The following GALNT1 variants were observed in gnomAD, a reference collection of about 807,000 sequenced individuals.
GALNT1 encodes the protein polypeptide N-acetylgalactosaminyltransferase 1.
In GALNT1, 17 loss-of-function variants were observed where a neutral mutation model predicts 65.7. The observed-to-expected ratio is 0.26, with a 90% CI of 0.18 to 0.39. GALNT1 has a LOEUF of 0.39. Ranked by LOEUF, GALNT1 falls within the 10% of genes least tolerant of loss-of-function variation. The pLI, the probability that GALNT1 is intolerant of heterozygous loss-of-function variation, is 1.00. For synonymous variants in GALNT1, 210 were observed against 219.7 expected (o/e 0.96, Z 0.39); for missense variants, 460 against 672.8 (o/e 0.68, Z 3.50).
chr18:35,650,617 G>GA (rs982131069), intron 1 of GALNT1, among the ~76,000 whole-genome samples: 7 of 152,152 alleles, frequency 4.6e-5, no homozygotes, highest in African/African-American at 1.4e-4. Context: ...GACCCCTTGG[G>GA]AAACCATTCT....
chr18:35,706,395 A>G (rs2048260939), intron 11 of GALNT1, among the ~76,000 whole-genome samples: 2 of 152,052 alleles, frequency 1.3e-5, no homozygotes, highest in Admixed American at 1.3e-4. Context: ...CCAGATACTC[A>G]GGAGGCTGAG....
rs747497904 is a variant in GALNT1 at position 35,683,465 on chromosome 18, C to T, written c.556C>T (p.Arg186Cys). Reference protein sequence around the residue: ...VPVHVIRMEQRSGLIRARLKG... With the variant: ...VPVHVIRMEQCSGLIRARLKG... ...AGTTCATGTAATTCGAATGGAACAA[C>T]GTTCTGGATTGATCAGAGCTAGATT... The change falls in exon 5 of 12, where the codon CGT (arginine) becomes TGT (cysteine). Residue 186 changes from arginine to cysteine, a missense_variant. Arg to Cys is a radical substitution (Grantham distance 180). Transcript: ENST00000269195. The T allele has an allele frequency of 1.2e-6, 2 of 1,613,742 alleles. No homozygotes were observed. The highest frequency in any genetic ancestry group is 1.7e-6 in the Non-Finnish European group (2 of 1,179,820).
rs762842899 is a variant in GALNT1 at position 35,663,140 on chromosome 18, C to T, written c.140-488C>T. Among the ~76,000 whole-genome samples the T allele has an allele frequency of 3.9e-5, 6 of 152,016 alleles. No individual in the cohort carries two copies. The East Asian group carries it at 7.7e-4, about 20-fold the overall frequency. On this transcript the variant is annotated intron_variant, in intron 2 of 11. Transcript: ENST00000269195. ...GATTTGGTGTTGCAGCGATGGAAGC[C>T]GTGAGGGGATGTGAGCAAAGGCATG...
At chr18:35,668,582 G>T (rs1226966117) in intron 3 of GALNT1, among the ~76,000 whole-genome samples, 1 of 152,140 alleles carries the variant, frequency 6.6e-6, no homozygotes, top group Non-Finnish European at 1.5e-5. Context: ...ACTCGTAGAG[G>T]CAGGGTGTAG....
At chr18:35,603,861 G>A (rs1229235339) in intron 1 of GALNT1, among the ~76,000 whole-genome samples, 2 of 152,130 alleles carry the variant, frequency 1.3e-5, no homozygotes, top group Non-Finnish European at 2.9e-5. Flanking sequence ...AAAGCTAAAG[G>A]TATCCCAACT....
chr18:35,697,457 G>C (rs1377797236), intron 9 of GALNT1, among the ~76,000 whole-genome samples: 1 of 152,142 alleles, frequency 6.6e-6, no homozygotes, highest in Non-Finnish European at 1.5e-5. Flanking sequence ...CCTACCAATA[G>C]TCATGATATA....
At chr18:35,702,859 T>C (rs2048188078) in intron 9 of GALNT1, 38 bp from the exon 10 acceptor site, 1 of 1,408,984 alleles carries the variant, frequency 7.1e-7, no homozygotes, top group Admixed American at 1.9e-5. Context: ...AATTAACTTC[T>C]CCAACTCCTG....
At chr18:35,688,242 C>T (rs1475830507) in intron 6 of GALNT1, among the ~76,000 whole-genome samples, 3 of 152,070 alleles carry the variant, frequency 2.0e-5, no homozygotes, top group African/African-American at 4.8e-5. Flanking sequence ...CTTTTAAATC[C>T]TTTTCTCATT....
At chr18:35,684,840 GA>G (rs1216624019) in intron 5 of GALNT1, among the ~76,000 whole-genome samples, 1 of 152,212 alleles carries the variant, frequency 6.6e-6, no homozygotes, top group Non-Finnish European at 1.5e-5. Flanking sequence ...TGCCTTGAGA[GA>G]CAAATAAGAT....
intron 1 of GALNT1, among the ~76,000 whole-genome samples, chr18:35,625,832 T>C (rs2046910062): frequency 6.6e-6 from 1 of 152,206 alleles, no homozygotes; most frequent in Non-Finnish European, 1.5e-5. Flanking sequence ...CGCAGTGTTC[T>C]CTTGTAATGA....
At chr18:35,707,371 C>A (rs1350606727) in intron 11 of GALNT1, among the ~76,000 whole-genome samples, 1 of 152,182 alleles carries the variant, frequency 6.6e-6, no homozygotes, top group African/African-American at 2.4e-5. Flanking sequence ...CTTAGTCCAG[C>A]TCTCTCTGAA....
intron 3 of GALNT1, 89 bp downstream of exon 3, chr18:35,663,891 A>C (rs564333637): frequency 4.9e-6 from 6 of 1,212,218 alleles, no homozygotes; most frequent in Admixed American, 2.0e-5. Flanking sequence ...GATTGTTCTT[A>C]AGGCAAATGT....
intron 9 of GALNT1, 94 bp downstream of exon 9, chr18:35,692,414 A>G (rs2047983002): frequency 1.4e-6 from 1 of 728,054 alleles, no homozygotes; most frequent in East Asian, 3.2e-5. Flanking sequence ...CCAATAAGGA[A>G]AGTACCTTCA....
chr18:35,648,673 C>A (rs1375123042), intron 1 of GALNT1, among the ~76,000 whole-genome samples: 1 of 152,170 alleles, frequency 6.6e-6, no homozygotes, highest in Non-Finnish European at 1.5e-5. Context: ...AAAACAGTTT[C>A]TCTCTTTGTA....
intron 1 of GALNT1, among the ~76,000 whole-genome samples, chr18:35,609,422 T>C (rs1304687531): frequency 1.3e-5 from 2 of 152,232 alleles, no homozygotes; most frequent in African/African-American, 4.8e-5. Flanking sequence ...TTTTCAGACC[T>C]CATGTTTGAG....
intron 1 of GALNT1, among the ~76,000 whole-genome samples, chr18:35,586,722 A>C (rs2046382297): frequency 6.6e-6 from 1 of 152,206 alleles, no homozygotes; most frequent in Non-Finnish European, 1.5e-5. Context: ...TCTTTGTAAA[A>C]AAGCATTTGG....
intron 1 of GALNT1, among the ~76,000 whole-genome samples, chr18:35,582,947 C>T (rs1045832725): frequency 6.6e-6 from 1 of 152,226 alleles, no homozygotes; most frequent in Admixed American, 6.5e-5. Flanking sequence ...TCACAGTAGC[C>T]ACATTTCAAG....
At position 35,709,626 on chromosome 18, in the gene GALNT1, A is replaced by G. The variant is rs2048323887; in HGVS notation, c.1536A>G (p.Lys512=). 6.2e-7 allele frequency: 1 copy of G among 1,613,304 alleles called. No homozygotes were observed. The highest frequency in any genetic ancestry group is 8.5e-7 in the Non-Finnish European group (1 of 1,179,760). ...TGTTAAGATTTTTTCTATTTCAGAAATTAACCCTGCAGCATGTGAACAGTA... is the reference window on the plus strand; with the variant it reads ...TGTTAAGATTTTTTCTATTTCAGAAGTTAACCCTGCAGCATGTGAACAGTA... The part of the protein sequence containing the change: ...GNQLWEYDPV[K]LTLQHVNSNQ... Residue 512 remains lysine, a splice_region_variant and synonymous_variant, in exon 12 of 12, where the codon AAA becomes AAG. Transcript: ENST00000269195.
intron 1 of GALNT1, among the ~76,000 whole-genome samples, chr18:35,620,964 T>A (rs1193533320): frequency 6.6e-6 from 1 of 152,178 alleles, no homozygotes; most frequent in Non-Finnish European, 1.5e-5. Flanking sequence ...CAAATTACAC[T>A]TGGAACAACA....
Sources: gnomAD v4.1 joint callset for allele counts (sites outside exome capture counted in the v4.1 genomes callset) on GRCh38, gnomAD v4.1.1 for gene constraint, MANE v1.5 for transcripts, NCBI Gene and HGNC (gene_info 2026-07-23, HGNC 2026-07-21) for gene names.